Variants in CSMD3 observed in about 807,000 individuals in gnomAD.
CSMD3 encodes the protein CUB and sushi domain-containing protein 3.
Under a neutral mutation model 435.2 loss-of-function variants are expected in CSMD3, and 177 were observed. The ratio of observed to expected loss-of-function variants is 0.41; its 90% CI spans 0.36 to 0.46. The LOEUF is 0.46. CSMD3 is among the 20% of genes least tolerant of loss of function. The pLI, the probability that CSMD3 is intolerant of heterozygous loss-of-function variation, is 0.34. For synonymous variants in CSMD3, 1,656 were observed against 1,520.5 expected (o/e 1.09, Z -2.07); for missense variants, 4,265 against 4,504.6 (o/e 0.95, Z 1.52).
At chr8:112,330,964 T>TA (rs1823992006) in intron 45 of CSMD3, among the ~76,000 whole-genome samples, 1 of 152,132 alleles carries the variant, frequency 6.6e-6, no homozygotes, top group East Asian at 1.9e-4. Flanking sequence ...CTTCTACTTA[T>TA]TAGTTCTCTG....
chr8:112,379,950 A>G (rs1829316534), intron 38 of CSMD3, among the ~76,000 whole-genome samples: 1 of 152,196 alleles, frequency 6.6e-6, no homozygotes, highest in South Asian at 2.1e-4. Flanking sequence ...ATGGAGTAGA[A>G]CAGTGGTTGT....
intron 24 of CSMD3, among the ~76,000 whole-genome samples, chr8:112,562,988 T>C (rs1421922849): frequency 6.6e-6 from 1 of 151,866 alleles, no homozygotes; most frequent in African/African-American, 2.4e-5. Context: ...TAACATATCT[T>C]CATTGACCAT....
At chr8:112,511,714 TAAA>T (rs1014335472) in intron 28 of CSMD3, among the ~76,000 whole-genome samples, 6 of 152,040 alleles carry the variant, frequency 3.9e-5, no homozygotes, top group African/African-American at 1.4e-4. Flanking sequence ...AATAAGATAA[TAAA>T]GAAGTCTGCC....
At chr8:112,625,584 C>T (rs552650653) in intron 22 of CSMD3, among the ~76,000 whole-genome samples, 3 of 152,034 alleles carry the variant, frequency 2.0e-5, no homozygotes, top group Non-Finnish European at 4.4e-5. Context: ...CTATCCATCA[C>T]CTTTGAAATA....
chr8:113,122,039 A>G (rs771731245), intron 4 of CSMD3, among the ~76,000 whole-genome samples: 23 of 152,168 alleles, frequency 1.5e-4, no homozygotes, highest in Non-Finnish European at 2.2e-4. Context: ...TTAGGTCCAC[A>G]TCAAGAAAAT....
At chr8:112,676,985 C>T (rs922401433) in intron 16 of CSMD3, among the ~76,000 whole-genome samples, 5 of 152,054 alleles carry the variant, frequency 3.3e-5, no homozygotes, top group East Asian at 1.9e-4. Flanking sequence ...TCTCTCTTCT[C>T]GTTGTTTTCA....
intron 3 of CSMD3, among the ~76,000 whole-genome samples, chr8:113,257,831 T>G (rs778249679): frequency 6.6e-6 from 1 of 152,168 alleles, no homozygotes; most frequent in African/African-American, 2.4e-5. Flanking sequence ...AAATACACTG[T>G]TTAGTGAAAC....
At chr8:113,295,347 T>G (rs2093712864) in intron 2 of CSMD3, among the ~76,000 whole-genome samples, 1 of 152,170 alleles carries the variant, frequency 6.6e-6, no homozygotes, top group African/African-American at 2.4e-5. Flanking sequence ...TTCATGTTCT[T>G]TCTACTAATT....
rs760620055 is a variant in CSMD3, at chr8:112,685,675, G to A, written c.2213C>T (p.Pro738Leu). 1 of 1,613,572 alleles carries A rather than the reference G, an allele frequency of 6.2e-7. No individual in the cohort carries two copies. Among genetic ancestry groups the A allele is most frequent in the Non-Finnish European group, 8.5e-7 (1 of 1,179,612 alleles). ...ATTTAAATTATTTCCATACCCTTCTGGGTAATCAGGAGAAAGAACTGTTCC... is the reference window on the plus strand; with the variant it reads ...ATTTAAATTATTTCCATACCCTTCTAGGTAATCAGGAGAAAGAACTGTTCC... ...PMGTVLSPDY[P>L]EGYGNNLNCI... The change falls in exon 15 of 71, where the codon CCA (proline) becomes CTA (leucine). Residue 738 changes from proline (P) to leucine (L), a missense_variant. Around this residue, in one of 3 missense-constraint regions of CSMD3, gnomAD observed 279 missense variants for 369.0 expected, o/e 0.76. Transcript: ENST00000297405.
intron 16 of CSMD3, among the ~76,000 whole-genome samples, chr8:112,677,965 G>A (rs891054502): frequency 5.3e-5 from 8 of 152,166 alleles, no homozygotes; most frequent in Admixed American, 6.5e-5. Flanking sequence ...TATTGTATAA[G>A]CTAATGGAAA....
chr8:112,598,406 A>G (rs1586770170), intron 22 of CSMD3, among the ~76,000 whole-genome samples: 1 of 150,242 alleles, frequency 6.7e-6, no homozygotes, highest in South Asian at 2.1e-4. Context: ...ATGCTCATGG[A>G]TAGGAAGAAT....
chr8:112,954,986 T>C lies in CSMD3; in HGVS notation c.1343-225A>G, dbSNP rs546364902. ...AATATTCTACAGGGAAAATCCTGCA[T>C]ATACATAGTTTTTTAAGCTGTGCTT... On this transcript the variant is annotated intron_variant, in intron 7 of 70. Coordinates refer to ENST00000297405, the MANE Select transcript of CSMD3 (RefSeq NM_198123.2). 5.3e-5 allele frequency among the ~76,000 whole-genome samples: 8 copies of C among 151,738 alleles called. No individual in the cohort carries two copies. In the East Asian group the frequency reaches 1.2e-3, roughly 22 times the overall value.
chr8:113,039,877 C>T (rs904889373), intron 5 of CSMD3, among the ~76,000 whole-genome samples: 2 of 152,136 alleles, frequency 1.3e-5, no homozygotes, highest in African/African-American at 4.8e-5. Flanking sequence ...TTTTTTCACT[C>T]AACACTCTCT....
intron 23 of CSMD3, among the ~76,000 whole-genome samples, chr8:112,574,513 T>C (rs1406997389): frequency 6.6e-6 from 1 of 152,004 alleles, no homozygotes; most frequent in Non-Finnish European, 1.5e-5. Flanking sequence ...ATACGGGATA[T>C]GAAATATGGG....
intron 3 of CSMD3, among the ~76,000 whole-genome samples, chr8:113,260,304 C>G (rs894897167): frequency 6.6e-6 from 1 of 152,172 alleles, no homozygotes; most frequent in Non-Finnish European, 1.5e-5. Context: ...TCCAAGTTGT[C>G]TCATCACCAT....
intron 2 of CSMD3, chr8:113,310,889 A>ATATTTG (rs1253430451): frequency 1.3e-5 from 2 of 151,980 alleles, no homozygotes; most frequent in East Asian, 1.9e-4. Flanking sequence ...AATTATATCC[A>ATATTTG]CAGGATTAAA....
chr8:112,637,830 T>C (rs1228669399), intron 21 of CSMD3, among the ~76,000 whole-genome samples: 2 of 152,068 alleles, frequency 1.3e-5, no homozygotes, highest in East Asian at 3.9e-4. Context: ...CATTTACTAT[T>C]CATGATAAAA....
At chr8:113,083,963 A>G (rs2089661593) in intron 5 of CSMD3, among the ~76,000 whole-genome samples, 1 of 152,098 alleles carries the variant, frequency 6.6e-6, no homozygotes, top group Non-Finnish European at 1.5e-5. Flanking sequence ...ACAGAGCAAG[A>G]TCTTTCCTTG....
At chr8:112,263,596 T>C (rs547233395) in intron 61 of CSMD3, 43 bp downstream of exon 61, 10 of 1,572,670 alleles carry the variant, frequency 6.4e-6, no homozygotes, top group South Asian at 5.6e-5. Context: ...CTAGAAAAAT[T>C]TGAAAATTTT....
Sources: allele counts gnomAD v4.1 joint callset (sites outside exome capture counted in the v4.1 genomes callset), GRCh38; gene constraint gnomAD v4.1.1; regional missense constraint gnomAD v4.1.1; transcripts MANE v1.5; gene names NCBI Gene and HGNC (gene_info 2026-07-23, HGNC 2026-07-21).